The following KDM2A variants were observed in gnomAD, a reference collection of about 807,000 sequenced individuals.
The protein encoded by KDM2A is lysine-specific demethylase 2A.
KDM2A carries 3 observed loss-of-function variants against 137.3 expected under a neutral mutation model. The ratio of observed to expected loss-of-function variants is 0.02; its 90% CI spans 0.01 to 0.06. The LOEUF (loss-of-function observed/expected upper bound fraction) is 0.06. Ranked by LOEUF, KDM2A falls within the 10% of genes least tolerant of loss-of-function variation. The pLI, the probability that KDM2A is intolerant of heterozygous loss-of-function variation, is 1.00. For synonymous variants in KDM2A, 512 were observed against 541.5 expected (o/e 0.95, Z 0.76); for missense variants, 738 against 1,510.6 (o/e 0.49, Z 8.48).
intron 2 of KDM2A, among the ~76,000 whole-genome samples, chr11:67,154,369 T>C (rs1253392364): frequency 6.6e-6 from 1 of 152,212 alleles, no homozygotes; most frequent in Non-Finnish European, 1.5e-5. Flanking sequence ...ATTCAAAATG[T>C]TTTGCAATCA....
At chr11:67,241,386 A>G (rs1181800752) in intron 12 of KDM2A, among the ~76,000 whole-genome samples, 1 of 151,986 alleles carries the variant, frequency 6.6e-6, no homozygotes, top group Admixed American at 6.6e-5. Context: ...AGGCATCTGG[A>G]GACTTGGCAA....
intron 2 of KDM2A, among the ~76,000 whole-genome samples, chr11:67,152,702 A>G (rs1268197246): frequency 6.6e-6 from 1 of 152,164 alleles, no homozygotes; most frequent in African/African-American, 2.4e-5. Flanking sequence ...CTGGCCTGGA[A>G]CAACCCATAC....
At chr11:67,126,970 G>A (rs1291440044) in intron 2 of KDM2A, among the ~76,000 whole-genome samples, 1 of 152,102 alleles carries the variant, frequency 6.6e-6, no homozygotes, top group East Asian at 1.9e-4. Flanking sequence ...TTTGTATATT[G>A]ATTGCCAGAA....
At position 67,223,046 on chromosome 11, in the gene KDM2A, G is replaced by A. The variant is rs980509695; in HGVS notation, c.957+3643G>A. 7.9e-5 allele frequency among the ~76,000 whole-genome samples: 12 copies of A among 152,116 alleles called. No homozygotes were observed. In the East Asian group the frequency reaches 1.7e-3, roughly 22 times the overall value. ...TGTCTCTACTAAAAATACAAAATTA[G>A]CCAGGCGTGGTGGCACATGCCTGTA... On this transcript the variant is annotated intron_variant, in intron 10 of 20. Coordinates refer to ENST00000529006, the MANE Select transcript of KDM2A (RefSeq NM_012308.3).
intron 1 of KDM2A, 40 bp from the exon 2 acceptor site, chr11:67,121,194 A>G: frequency 1.4e-6 from 1 of 720,014 alleles, no homozygotes; most frequent in East Asian, 2.6e-5. Context: ...CACAAGTTTG[A>G]GAATGAGTTC....
At chr11:67,213,563 G>T (rs1431512595) in intron 6 of KDM2A, among the ~76,000 whole-genome samples, 1 of 152,038 alleles carries the variant, frequency 6.6e-6, no homozygotes, top group Non-Finnish European at 1.5e-5. Flanking sequence ...TTCGAGACCA[G>T]CCTGGCCAAG....
chr11:67,155,696 A>G (rs1856496351), intron 2 of KDM2A, among the ~76,000 whole-genome samples: 1 of 151,306 alleles, frequency 6.6e-6, no homozygotes, highest in African/African-American at 2.4e-5. Context: ...GGCTCACTGC[A>G]ACCTCTGTCT....
chr11:67,145,954 ATATAAAATGCC>A (rs1278612453), intron 2 of KDM2A, among the ~76,000 whole-genome samples: 4 of 145,280 alleles, frequency 2.8e-5, no homozygotes, highest in Admixed American at 2.7e-4. Flanking sequence ...TGTTTCTGGT[ATATAAAATGCC>A]TGTTCTTCCC....
chr11:67,185,950 C>T (rs748948638), intron 5 of KDM2A, among the ~76,000 whole-genome samples: 1 of 151,982 alleles, frequency 6.6e-6, no homozygotes, highest in Non-Finnish European at 1.5e-5. Flanking sequence ...ATTACCTACT[C>T]AGGTTTTCTG....
At chr11:67,123,185 A>C (rs956231778) in intron 2 of KDM2A, among the ~76,000 whole-genome samples, 3 of 135,744 alleles carry the variant, frequency 2.2e-5, no homozygotes, top group South Asian at 4.7e-4. Context: ...TATGTTGCCC[A>C]CCCTAGTCTT....
chr11:67,191,305 G>A (rs1857348558), intron 5 of KDM2A, among the ~76,000 whole-genome samples: 1 of 152,134 alleles, frequency 6.6e-6, no homozygotes, highest in Non-Finnish European at 1.5e-5. Flanking sequence ...GATAACAGGC[G>A]TGAGCCACTG....
intron 7 of KDM2A, 161 bp from the exon 8 acceptor site, chr11:67,215,695 T>C: frequency 1.4e-6 from 1 of 691,714 alleles, no homozygotes; most frequent in Non-Finnish European, 2.5e-6. Context: ...AACCTTTTTC[T>C]GATAATGTGA....
chr11:67,128,009 CTTTTTTTT>C (rs56704753), intron 2 of KDM2A, among the ~76,000 whole-genome samples: 1 of 107,886 alleles, frequency 9.3e-6, no homozygotes, highest in East Asian at 2.4e-4. Context: ...CACACCCGGC[CTTTTTTTT>C]TTTTTTTTTT....
At chr11:67,134,186 A>C (rs1366598414) in intron 2 of KDM2A, among the ~76,000 whole-genome samples, 1 of 152,224 alleles carries the variant, frequency 6.6e-6, no homozygotes, top group Non-Finnish European at 1.5e-5. Flanking sequence ...GGCTTTAGAC[A>C]GTTGGAGATA....
In KDM2A at chr11:67,131,024, T is replaced by C. The variant is rs1363568341; in HGVS notation, c.42+9666T>C. The stretch of plus-strand genomic sequence containing the variant: ...CTCATACCATCCAACGTCTCTTGTG[T>C]ACTTTATACAGAAAACAGGCCGGGT... On this transcript the variant is annotated intron_variant, in intron 2 of 20. Transcript: ENST00000529006. Among the ~76,000 whole-genome samples the C allele has an allele frequency of 3.9e-5, 6 of 152,112 alleles. No individual in the cohort carries two copies. In the East Asian group the frequency reaches 1.2e-3, roughly 29 times the overall value.
At chr11:67,122,458 C>G (rs1430512761) in intron 2 of KDM2A, among the ~76,000 whole-genome samples, 3 of 151,954 alleles carry the variant, frequency 2.0e-5, no homozygotes, top group African/African-American at 4.8e-5. Context: ...TTGCAAGTAG[C>G]TGGGACTGTA....
intron 5 of KDM2A, among the ~76,000 whole-genome samples, chr11:67,197,895 T>C (rs2136361769): frequency 6.6e-6 from 1 of 152,348 alleles, no homozygotes; most frequent in South Asian, 2.1e-4. Context: ...TAACTACCAA[T>C]AACCTACTGT....
intron 2 of KDM2A, among the ~76,000 whole-genome samples, chr11:67,127,064 TG>T (rs1855747243): frequency 6.6e-6 from 1 of 152,026 alleles, no homozygotes; most frequent in South Asian, 2.1e-4. Flanking sequence ...GATGCTGGGG[TG>T]GGTTGTTCTG....
intron 5 of KDM2A, among the ~76,000 whole-genome samples, chr11:67,184,807 A>C (rs1470493334): frequency 1.3e-5 from 2 of 152,196 alleles, no homozygotes; most frequent in Admixed American, 6.6e-5. Flanking sequence ...CCTCAGATTG[A>C]TCCTTGACAC....
Sources: gnomAD v4.1 joint callset for allele counts (sites outside exome capture counted in the v4.1 genomes callset) on GRCh38, gnomAD v4.1.1 for gene constraint, MANE v1.5 for transcripts, NCBI Gene and HGNC (gene_info 2026-07-23, HGNC 2026-07-21) for gene names.